The following GLDC variants were observed in gnomAD, a reference collection of about 807,000 sequenced individuals.
The protein encoded by GLDC is glycine decarboxylase, also known as glycine dehydrogenase (decarboxylating), mitochondrial.
Under a neutral mutation model 121.3 loss-of-function variants are expected in GLDC, and 104 were observed. The ratio of observed to expected loss-of-function variants is 0.86; its 90% CI spans 0.73 to 1.01. The LOEUF is 1.01. Among genes scored for constraint, GLDC ranks in the 50% least tolerant of loss-of-function variants. The probability of loss-of-function intolerance (pLI) is 0.00; values close to 1 mark genes in which losing one functional copy is unlikely to be tolerated. For missense variants in GLDC, 1,429 were observed against 1,306.6 expected, an observed-to-expected ratio of 1.09 and a Z score of -1.44; for synonymous variants, 546 against 480.6, an observed-to-expected ratio of 1.14 and a Z score of -1.78.
chr9:6,572,415 G>A (rs1441252146), intron 15 of GLDC, among the ~76,000 whole-genome samples: 1 of 152,212 alleles, frequency 6.6e-6, no homozygotes, highest in African/African-American at 2.4e-5. Context: ...GCTGAGTTTA[G>A]AGGTGTGTGT....
At chr9:6,570,198 A>G (rs777814510) in intron 15 of GLDC, among the ~76,000 whole-genome samples, 1 of 152,194 alleles carries the variant, frequency 6.6e-6, no homozygotes, top group Non-Finnish European at 1.5e-5. Flanking sequence ...ACTGAATCAC[A>G]TTGTAATTAT....
intron 2 of GLDC, among the ~76,000 whole-genome samples, chr9:6,641,677 A>G (rs1188754617): frequency 6.6e-6 from 1 of 152,248 alleles, no homozygotes; most frequent in Non-Finnish European, 1.5e-5. Flanking sequence ...ACATTAATAC[A>G]TGAAAGCACG....
At chr9:6,551,711 G>A (rs959245959) in intron 20 of GLDC, among the ~76,000 whole-genome samples, 2 of 152,022 alleles carry the variant, frequency 1.3e-5, no homozygotes, top group African/African-American at 4.8e-5. Flanking sequence ...AGTAGAATTC[G>A]GATAGGGAAA....
rs1406303232 is a variant in GLDC, at chr9:6,587,267, T to C, written c.1724A>G (p.Glu575Gly). 1 of 1,613,808 alleles carries C rather than the reference T, an allele frequency of 6.2e-7. No individual in the cohort carries two copies. Among genetic ancestry groups the C allele is most frequent in the Non-Finnish European group, 8.5e-7 (1 of 1,179,680 alleles). Reference sequence around the variant, plus strand: ...CACAAAGGGGTGGATGTTTGCAAATTCTTTCCATGTGATAGGCTGAAAAGA... The same window carrying C: ...CACAAAGGGGTGGATGTTTGCAAATCCTTTCCATGTGATAGGCTGAAAAGA... The part of the protein sequence containing the change: ...SSELAPITWK[E>G]FANIHPFVPL... The change falls in exon 15 of 25, where the codon GAA (glutamate) becomes GGA (glycine). Residue 575 changes from glutamate to glycine, a missense_variant. Coordinates refer to ENST00000321612, the MANE Select transcript of GLDC (RefSeq NM_000170.3).
intron 4 of GLDC, among the ~76,000 whole-genome samples, chr9:6,607,183 G>T (rs972224295): frequency 3.9e-5 from 6 of 152,114 alleles, no homozygotes; most frequent in African/African-American, 1.4e-4. Flanking sequence ...TCTTAAGATG[G>T]TTCAATTTCT....
rs1417674040 is a variant in GLDC at position 6,645,242 on chromosome 9, T to C, written c.255+3A>G. ...CCGCGGAGGGCCGGGTGGAGGTCCT[T>C]ACCGCCAGCCCCAAGGTCTGCAGCA... On this transcript the variant is annotated splice_donor_region_variant and intron_variant, in intron 1 of 24. Coordinates refer to ENST00000321612, the MANE Select transcript of GLDC (RefSeq NM_000170.3). 6.3e-7 allele frequency: 1 copy of C among 1,587,546 alleles called. No homozygotes were observed. The highest frequency in any genetic ancestry group is 1.1e-5 in the South Asian group (1 of 88,306).
At chr9:6,573,354 G>C (rs908434045) in intron 15 of GLDC, among the ~76,000 whole-genome samples, 32 of 152,136 alleles carry the variant, frequency 2.1e-4, no homozygotes, top group Non-Finnish European at 7.4e-5. Flanking sequence ...CCAGCTACTT[G>C]GGAAGCTGAG....
In GLDC at chr9:6,645,302, C is replaced by T. The variant is rs759592782; in HGVS notation, c.198G>A (p.Arg66=). ...LLPRHDDFAR[R]HIGPGDKDQR... ...GGTCTTTGTCCCCAGGGCCGATGTG[C>T]CTCCGAGCGAAGTCGTCGTGTCTGG... Residue 66 remains arginine (R), a synonymous_variant, in exon 1 of 25, where the codon AGG becomes AGA. Coordinates refer to ENST00000321612, the MANE Select transcript of GLDC (RefSeq NM_000170.3). 22 of 1,599,298 alleles carry T rather than the reference C, an allele frequency of 1.4e-5. No individual in the cohort carries two copies. Among genetic ancestry groups the T allele is most frequent in the Admixed American group, 3.4e-5 (2 of 58,720 alleles).
chr9:6,543,814 A>G (rs780883665), intron 21 of GLDC, among the ~76,000 whole-genome samples: 1 of 152,108 alleles, frequency 6.6e-6, no homozygotes, highest in African/African-American at 2.4e-5. Context: ...TTTCGTGTTA[A>G]CAGAGTAGGT....
At chr9:6,561,228 GAA>G (rs1227582015) in intron 16 of GLDC, among the ~76,000 whole-genome samples, 1 of 152,228 alleles carries the variant, frequency 6.6e-6, no homozygotes, top group Non-Finnish European at 1.5e-5. Context: ...AGGAGCGATG[GAA>G]AGAGAAGTCA....
chr9:6,563,733 T>C (rs1817801340), intron 16 of GLDC, among the ~76,000 whole-genome samples: 1 of 152,206 alleles, frequency 6.6e-6, no homozygotes, highest in South Asian at 2.1e-4. Flanking sequence ...AGGGTCTGTG[T>C]CTGTCTGGTT....
rs879833847 is a variant in GLDC at position 6,602,377 on chromosome 9, A to AT, written c.1059-173dup. On this transcript the variant is annotated intron_variant, in intron 7 of 24. Transcript: ENST00000321612. ...GTTCCTCATCTAAACATGATTACTG[A>AT]TTTTTTTTTTTTTTTTTGAGACGGA... is the stretch of plus-strand genomic sequence containing the variant. Among the ~76,000 whole-genome samples the AT allele has an allele frequency of 0.015, 2,205 of 142,382 alleles. 37 individuals carry two copies. Among genetic ancestry groups the AT allele is most frequent in the African/African-American group, 0.046 (1,778 of 39,052 alleles). 93.4% of individuals were successfully genotyped at this position (142,382 alleles called of 152,430 possible). A position where few individuals can be genotyped will look rare whatever the true frequency, so the allele number is the denominator to read the frequency against.
At chr9:6,553,338 T>G (rs1817553954) in intron 20 of GLDC, 30 bp downstream of exon 20, 1 of 1,611,026 alleles carries the variant, frequency 6.2e-7, no homozygotes, top group Non-Finnish European at 8.5e-7. Context: ...CCCACCCACC[T>G]GCACACCTGC....
intron 15 of GLDC, among the ~76,000 whole-genome samples, chr9:6,584,175 T>C (rs1395973227): frequency 1.3e-5 from 2 of 152,218 alleles, no homozygotes; most frequent in African/African-American, 4.8e-5. Context: ...AAACTTTTTG[T>C]GACTACAGAA....
Position 6,604,731 on chromosome 9 carries a change from A to G in GLDC, c.915T>C (p.Pro305=), listed in dbSNP as rs1478814212. The G allele has an allele frequency of 6.2e-7, 1 of 1,614,074 alleles. No homozygotes were observed. Among genetic ancestry groups the G allele is most frequent in the Non-Finnish European group, 8.5e-7 (1 of 1,180,002 alleles). ...DLLALCILRP[P]GEFGVDIALG... ...GGGCGATGTCTACCCCAAATTCTCC[A>G]GGTGGCCTCAAGATGCACAAAGCTA... The change falls in exon 7 of 25, where the codon CCT becomes CCC. Residue 305 remains proline (P), a synonymous_variant. Coordinates refer to ENST00000321612, the MANE Select transcript of GLDC (RefSeq NM_000170.3).
intron 2 of GLDC, among the ~76,000 whole-genome samples, chr9:6,625,357 A>C (rs999726679): frequency 6.6e-6 from 1 of 152,200 alleles, no homozygotes; most frequent in African/African-American, 2.4e-5. Context: ...GGCTGAGAGA[A>C]CCAACTCAAT....
At chr9:6,545,387 C>A (rs2129685514) in intron 21 of GLDC, among the ~76,000 whole-genome samples, 1 of 152,160 alleles carries the variant, frequency 6.6e-6, no homozygotes. Context: ...TAACATATCT[C>A]AACATAGAAA....
At chr9:6,573,594 G>C (rs1044401538) in intron 15 of GLDC, among the ~76,000 whole-genome samples, 2 of 152,112 alleles carry the variant, frequency 1.3e-5, no homozygotes, top group Non-Finnish European at 2.9e-5. Context: ...TCACCCCCCA[G>C]AAGGAAATAC....
intron 3 of GLDC, among the ~76,000 whole-genome samples, chr9:6,618,984 A>T (rs1164986471): frequency 6.6e-5 from 10 of 151,828 alleles, no homozygotes; most frequent in African/African-American, 2.4e-4. Flanking sequence ...TCTACTAAAA[A>T]TGCAAAAAAT....
Sources: gnomAD v4.1 joint callset for allele counts (sites outside exome capture counted in the v4.1 genomes callset) on GRCh38, gnomAD v4.1.1 for gene constraint, MANE v1.5 for transcripts, NCBI Gene and HGNC (gene_info 2026-07-23, HGNC 2026-07-21) for gene names.